Variants in WSCD2 observed in about 807,000 individuals in gnomAD.
WSCD2 encodes the protein WSC domain sialate O sulfotransferase 2, also known as sialate:O-sulfotransferase 2.
A neutral mutation model predicts 55.7 loss-of-function variants in WSCD2; 28 were observed. The observed-to-expected ratio is 0.50, with a 90% CI of 0.37 to 0.69. The LOEUF is 0.69. WSCD2 is among the 30% of genes least tolerant of loss of function. The pLI, the probability that WSCD2 is intolerant of heterozygous loss-of-function variation, is 0.00. For missense variants in WSCD2, 616 were observed against 762.1 expected, an observed-to-expected ratio of 0.81 and a Z score of 2.26; for synonymous variants, 301 against 301.9, an observed-to-expected ratio of 1.00 and a Z score of 0.03.
intron 1 of WSCD2, among the ~76,000 whole-genome samples, chr12:108,174,489 G>T (rs1323635124): frequency 6.6e-6 from 1 of 152,140 alleles, no homozygotes; most frequent in Non-Finnish European, 1.5e-5. Flanking sequence ...TCCCCACATG[G>T]TAGCCAGAGT....
chr12:108,163,001 T>C (rs997130609), intron 1 of WSCD2, among the ~76,000 whole-genome samples: 1 of 152,184 alleles, frequency 6.6e-6, no homozygotes, highest in Non-Finnish European at 1.5e-5. Flanking sequence ...TGATGCCTCA[T>C]TGTATAGGCA....
chr12:108,179,158 T>C (rs1230208764), intron 1 of WSCD2, among the ~76,000 whole-genome samples: 1 of 151,774 alleles, frequency 6.6e-6, no homozygotes, highest in Non-Finnish European at 1.5e-5. Flanking sequence ...GTTTTTAAAC[T>C]CTAGTCCCTG....
At position 108,136,064 on chromosome 12, in the gene WSCD2, G is replaced by A. The variant is rs140789191; in HGVS notation, c.-552+6138G>A. Among the ~76,000 whole-genome samples the A allele has an allele frequency of 2.7e-3, 409 of 152,334 alleles. 1 individual carries two copies. The highest frequency in any genetic ancestry group is 4.1e-3 in the Non-Finnish European group (276 of 68,030). On this transcript the variant is annotated intron_variant, in intron 1 of 8. Transcript: ENST00000547525. ...AGGCAAAAATCTGATGGATTCGGCT[G>A]TATCATTGTGAGTCAGGTGACATAT...
intron 1 of WSCD2, among the ~76,000 whole-genome samples, chr12:108,192,770 C>A (rs1348337842): frequency 6.6e-6 from 1 of 152,108 alleles, no homozygotes; most frequent in Non-Finnish European, 1.5e-5. Flanking sequence ...TTTTGCAAGA[C>A]CTACTGGCTC....
chr12:108,233,770 G>T (rs1398034202), intron 7 of WSCD2, among the ~76,000 whole-genome samples: 2 of 152,226 alleles, frequency 1.3e-5, no homozygotes, highest in Non-Finnish European at 2.9e-5. Context: ...TGAGGAACAA[G>T]AAATCATGGA....
chr12:108,201,618 A>G (rs1325027103), intron 2 of WSCD2, among the ~76,000 whole-genome samples: 9 of 152,096 alleles, frequency 5.9e-5, no homozygotes. Flanking sequence ...AGCTTGAGTA[A>G]TATTTGAGGC....
intron 1 of WSCD2, among the ~76,000 whole-genome samples, chr12:108,173,338 C>T (rs1880431274): frequency 6.6e-6 from 1 of 152,194 alleles, no homozygotes; most frequent in African/African-American, 2.4e-5. Flanking sequence ...CCTTCTGCTC[C>T]AGGCATGGTG....
intron 1 of WSCD2, among the ~76,000 whole-genome samples, chr12:108,168,378 C>T (rs1879884952): frequency 6.6e-6 from 1 of 152,120 alleles, no homozygotes; most frequent in African/African-American, 2.4e-5. Flanking sequence ...TCCATGTCTC[C>T]CTTAAATGTC....
intron 1 of WSCD2, among the ~76,000 whole-genome samples, chr12:108,155,711 C>T (rs1878441736): frequency 6.6e-6 from 1 of 152,186 alleles, no homozygotes; most frequent in South Asian, 2.1e-4. Context: ...AATAGTACCT[C>T]CTCTGTAAGT....
intron 6 of WSCD2, among the ~76,000 whole-genome samples, chr12:108,232,360 G>A (rs572806956): frequency 1.3e-5 from 2 of 152,168 alleles, no homozygotes; most frequent in African/African-American, 4.8e-5. Flanking sequence ...TGACGGTTTC[G>A]ATCTGGAGGA....
intron 7 of WSCD2, among the ~76,000 whole-genome samples, chr12:108,236,553 C>T (rs116467269): frequency 1.7e-3 from 263 of 151,656 alleles, no homozygotes; most frequent in African/African-American, 6.1e-3. Flanking sequence ...GTCCATCTGC[C>T]ATCTGGCGCT....
intron 7 of WSCD2, 147 bp downstream of exon 7, chr12:108,233,042 T>C (rs1201989575): frequency 9.5e-7 from 1 of 1,055,270 alleles, no homozygotes; most frequent in African/African-American, 1.6e-5. Flanking sequence ...CACTGCATGC[T>C]TGGTACCCCC....
chr12:108,137,005 G>T (rs1233388842), intron 1 of WSCD2, among the ~76,000 whole-genome samples: 1 of 152,168 alleles, frequency 6.6e-6, no homozygotes, highest in Admixed American at 6.5e-5. Context: ...AGGACTGGGG[G>T]CTGAGCATGC....
chr12:108,195,526 T>G lies in WSCD2; in HGVS notation c.-307T>G. Reference sequence around the variant, plus strand: ...ACAGTTCTTTAGGAACACTCTGAAGTGAAGAACAATATGTAGGAAAATGGG... The same window carrying G: ...ACAGTTCTTTAGGAACACTCTGAAGGGAAGAACAATATGTAGGAAAATGGG... On this transcript the variant is annotated 5_prime_UTR_variant, in exon 2 of 9. Coordinates refer to ENST00000547525, the MANE Select transcript of WSCD2 (RefSeq NM_014653.4). 2.8e-6 allele frequency: 1 copy of G among 359,348 alleles called. No individual in the cohort carries two copies. 22.3% of individuals were successfully genotyped at this position (359,348 alleles called of 1,614,324 possible). A position where few individuals can be genotyped will look rare whatever the true frequency, so the allele number is the denominator to read the frequency against.
intron 1 of WSCD2, among the ~76,000 whole-genome samples, chr12:108,144,260 T>C (rs190231205): frequency 1.3e-5 from 2 of 152,282 alleles, no homozygotes; most frequent in Admixed American, 1.3e-4. Flanking sequence ...GGCCCATTGT[T>C]CTACAAACCT....
At chr12:108,166,783 TTCTTTCTG>T (rs1450458750) in intron 1 of WSCD2, among the ~76,000 whole-genome samples, 11 of 149,626 alleles carry the variant, frequency 7.4e-5, no homozygotes, top group South Asian at 2.1e-4. Context: ...CTTTCTTTCT[TTCTTTCTG>T]TCTTTCTTTC....
At chr12:108,212,231 C>A (rs1419563821) in intron 4 of WSCD2, among the ~76,000 whole-genome samples, 2 of 152,106 alleles carry the variant, frequency 1.3e-5, no homozygotes, top group African/African-American at 4.8e-5. Context: ...GATTTGTCAC[C>A]TTTACAACTG....
chr12:108,242,248 G>A (rs966939068), intron 8 of WSCD2, among the ~76,000 whole-genome samples: 5 of 152,224 alleles, frequency 3.3e-5, no homozygotes, highest in East Asian at 1.9e-4. Flanking sequence ...CACTCAAGGC[G>A]GTTTTTCTGT....
rs1314713522 is a variant in WSCD2 at position 108,172,938 on chromosome 12, G to A, written c.-551-22344G>A. Among the ~76,000 whole-genome samples, 3 of 152,140 alleles carry A rather than the reference G, an allele frequency of 2.0e-5. No homozygotes were observed. In the East Asian group the frequency reaches 5.8e-4, roughly 29 times the overall value. ...AATGGGAAGTGATTAGGTCATGAATGAGATTAGAGATCTTGCAAGAAGAGA... is the reference window on the plus strand; with the variant it reads ...AATGGGAAGTGATTAGGTCATGAATAAGATTAGAGATCTTGCAAGAAGAGA... On this transcript the variant is annotated intron_variant, in intron 1 of 8. Coordinates refer to ENST00000547525, the MANE Select transcript of WSCD2 (RefSeq NM_014653.4).
Sources: allele counts gnomAD v4.1 joint callset (sites outside exome capture counted in the v4.1 genomes callset), GRCh38; gene constraint gnomAD v4.1.1; transcripts MANE v1.5; gene names NCBI Gene and HGNC (gene_info 2026-07-23, HGNC 2026-07-21).